Variants in SCHIP1 observed in about 807,000 individuals in gnomAD.
The protein encoded by SCHIP1 is schwannomin-interacting protein 1.
SCHIP1 carries 8 observed loss-of-function variants against 29.7 expected under a neutral mutation model. The observed-to-expected ratio is 0.27, with a 90% CI of 0.16 to 0.49. The LOEUF is 0.49. Ranked by LOEUF, SCHIP1 falls within the 20% of genes least tolerant of loss-of-function variation. The pLI is 0.99. For missense variants in SCHIP1, 193 were observed against 294.6 expected, an observed-to-expected ratio of 0.66 and a Z score of 2.52; for synonymous variants, 76 against 94.9, an observed-to-expected ratio of 0.80 and a Z score of 1.16.
intron 1 of SCHIP1, chr3:159,852,855 A>G (rs1712824198): frequency 6.6e-6 from 1 of 152,268 alleles, no homozygotes; most frequent in African/African-American, 2.4e-5. Flanking sequence ...GTCATGGGAT[A>G]CCCAGCTTTT....
chr3:159,376,761 C>T, the SCHIP1 span, among the ~76,000 whole-genome samples: 1 of 152,144 alleles, frequency 6.6e-6, no homozygotes, highest in African/African-American at 2.4e-5. Flanking sequence ...GGTACTTGCC[C>T]ACCTCCTGGC....
At chr3:159,344,299 C>T in the SCHIP1 span, among the ~76,000 whole-genome samples, 7 of 142,492 alleles carry the variant, frequency 4.9e-5, no homozygotes, top group South Asian at 2.2e-4. Flanking sequence ...CCAGCCAGGG[C>T]GACAATAGGG....
chr3:159,635,512 A>G, the SCHIP1 span, among the ~76,000 whole-genome samples: 3 of 152,196 alleles, frequency 2.0e-5, no homozygotes, highest in Admixed American at 2.0e-4. Context: ...TAATTATAAT[A>G]TAGCTTCTTC....
chr3:159,517,352 C>T, the SCHIP1 span, among the ~76,000 whole-genome samples: 1 of 152,080 alleles, frequency 6.6e-6, no homozygotes, highest in Non-Finnish European at 1.5e-5. Context: ...AAATCTCTGG[C>T]CTTTTCTGTG....
the SCHIP1 span, among the ~76,000 whole-genome samples, chr3:159,489,538 T>TTG: frequency 6.6e-6 from 1 of 152,214 alleles, no homozygotes; most frequent in African/African-American, 2.4e-5. Context: ...TATGTCAATA[T>TTG]TTTAAGTATG....
the SCHIP1 span, among the ~76,000 whole-genome samples, chr3:159,399,959 T>A: frequency 6.6e-6 from 1 of 152,246 alleles, no homozygotes; most frequent in African/African-American, 2.4e-5. Context: ...ATTACAGGCT[T>A]CACCTGGGCA....
chr3:159,342,605 C>T, the SCHIP1 span, among the ~76,000 whole-genome samples: 3 of 152,108 alleles, frequency 2.0e-5, no homozygotes, highest in Admixed American at 1.3e-4. Flanking sequence ...GGTTATAGAA[C>T]CGCTTTTTAT....
chr3:159,498,832 G>A, the SCHIP1 span, among the ~76,000 whole-genome samples: 2 of 152,260 alleles, frequency 1.3e-5, no homozygotes, highest in Admixed American at 1.3e-4. Flanking sequence ...GTCATTGATT[G>A]CAAGTAGCAA....
the SCHIP1 span, among the ~76,000 whole-genome samples, chr3:159,570,126 G>C: frequency 6.6e-6 from 1 of 152,180 alleles, no homozygotes; most frequent in African/African-American, 2.4e-5. Flanking sequence ...TTCTTTTGCT[G>C]TGCAGAAGCT....
At chr3:159,441,335 T>C in the SCHIP1 span, among the ~76,000 whole-genome samples, 2 of 152,182 alleles carry the variant, frequency 1.3e-5, no homozygotes, top group Non-Finnish European at 2.9e-5. Flanking sequence ...ATTGAGTACT[T>C]AGTGGTGATG....
chr3:159,725,271 C>CTT, the SCHIP1 span, among the ~76,000 whole-genome samples: 869 of 136,982 alleles, frequency 6.3e-3, 10 homozygotes, highest in Admixed American at 0.023. Context: ...TTTCTTTTTT[C>CTT]TTTTTTTTTT....
chr3:159,636,236 C>T, the SCHIP1 span, among the ~76,000 whole-genome samples: 79 of 152,168 alleles, frequency 5.2e-4, no homozygotes, highest in African/African-American at 1.5e-3. Flanking sequence ...TTAGTAGAGA[C>T]GGGGTTTCAC....
the SCHIP1 span, among the ~76,000 whole-genome samples, chr3:159,553,282 T>C: frequency 1.3e-5 from 2 of 149,824 alleles, no homozygotes; most frequent in Admixed American, 6.7e-5. Flanking sequence ...AAAAAAGACA[T>C]GGAAAAGAAA....
chr3:159,780,329 T>A, the SCHIP1 span, among the ~76,000 whole-genome samples: 475 of 152,338 alleles, frequency 3.1e-3, 1 homozygote, highest in African/African-American at 0.011. Context: ...TGCTCCAGTG[T>A]CTGCCTCCTG....
chr3:159,888,640 A>G (rs949001568), intron 4 of SCHIP1, 180 bp from the exon 6 acceptor site: 1 of 722,336 alleles, frequency 1.4e-6, no homozygotes, highest in Non-Finnish European at 2.0e-6. Flanking sequence ...CCAGTTGCAT[A>G]TTAGGTAATG....
At chr3:159,452,137 C>CTT in the SCHIP1 span, among the ~76,000 whole-genome samples, 2 of 142,040 alleles carry the variant, frequency 1.4e-5, no homozygotes, top group African/African-American at 2.5e-5. Context: ...AACATTTCTT[C>CTT]TTTTTTTTTT....
the SCHIP1 span, among the ~76,000 whole-genome samples, chr3:159,499,733 A>G: frequency 6.6e-6 from 1 of 152,240 alleles, no homozygotes; most frequent in Non-Finnish European, 1.5e-5. Flanking sequence ...ATTTCTAAAT[A>G]TGTAACAAGT....
At chr3:159,848,874 G>T (rs1464604984) in intron 1 of SCHIP1, among the ~76,000 whole-genome samples, 2 of 152,082 alleles carry the variant, frequency 1.3e-5, no homozygotes, top group Non-Finnish European at 2.9e-5. Context: ...TCCTGAAAAC[G>T]GTGGCACAGC....
At chr3:159,781,038 T>C in the SCHIP1 span, among the ~76,000 whole-genome samples, 1 of 152,238 alleles carries the variant, frequency 6.6e-6, no homozygotes, top group African/African-American at 2.4e-5. Flanking sequence ...ACAGCATAAA[T>C]TTTATATTTT....
Sources: allele counts gnomAD v4.1 joint callset (sites outside exome capture counted in the v4.1 genomes callset), GRCh38; gene constraint gnomAD v4.1.1; transcripts MANE v1.5; gene names NCBI Gene and HGNC (gene_info 2026-07-23, HGNC 2026-07-21).